Variants in TOR1AIP2 observed in about 807,000 individuals in gnomAD.
TOR1AIP2 encodes torsin-1A-interacting protein 2.
Under a neutral mutation model 32.6 loss-of-function variants are expected in TOR1AIP2, and 20 were observed. The ratio of observed to expected loss-of-function variants is 0.61; its 90% CI spans 0.43 to 0.89. The LOEUF (loss-of-function observed/expected upper bound fraction) is 0.89, where lower values mean the gene tolerates loss of function less well. Among genes scored for constraint, TOR1AIP2 ranks in the 40% least tolerant of loss-of-function variants. The probability of loss-of-function intolerance (pLI) is 0.00; values close to 1 mark genes in which losing one functional copy is unlikely to be tolerated. For missense variants in TOR1AIP2, 456 were observed against 553.8 expected (o/e 0.82, Z 1.77); for synonymous variants, 214 against 210.8 (o/e 1.02, Z -0.13).
intron 3 of TOR1AIP2, among the ~76,000 whole-genome samples, chr1:179,857,978 A>G (rs1229673449): frequency 6.6e-6 from 1 of 152,084 alleles, no homozygotes; most frequent in Non-Finnish European, 1.5e-5. Context: ...ACATAATGAG[A>G]TGATGTCTCT....
Position 179,847,235 on chromosome 1 carries a change from G to A in TOR1AIP2, c.655+300C>T, listed in dbSNP as rs188995904. Among the ~76,000 whole-genome samples, 297 of 152,108 alleles carry A rather than the reference G, an allele frequency of 2.0e-3. 1 individual carries two copies. The highest frequency in any genetic ancestry group is 0.019 in the Admixed American group (292 of 15,274). On this transcript the variant is annotated intron_variant, in intron 6 of 6. Transcript: ENST00000609928. ...TTTTTAGGAGTCATAACTTTAAAGT[G>A]CACTTGAAAAATTAATATTCTCTAA... is the stretch of plus-strand genomic sequence containing the variant.
rs1285430585 is a variant in TOR1AIP2, at chr1:179,850,093, C to CT, written c.553+751_553+752insA. 1.5e-3 allele frequency among the ~76,000 whole-genome samples: 226 copies of CT among 152,294 alleles called. 1 individual carries two copies. Among genetic ancestry groups the CT allele is most frequent in the African/African-American group, 5.3e-3 (222 of 41,544 alleles). ...AGTGCTTATAAAATACAAACCCACA[C>CT]AGACAATCACAGAAGGTGAAAGTTA... On this transcript the variant is annotated intron_variant, in intron 5 of 6. Coordinates refer to ENST00000609928, the MANE Select transcript of TOR1AIP2 (RefSeq NM_001199260.2).
At chr1:179,861,893 TCTGA>T (rs984660601) in intron 3 of TOR1AIP2, 16 of 933,076 alleles carry the variant, frequency 1.7e-5, no homozygotes, top group Non-Finnish European at 2.0e-5. Flanking sequence ...GAGACAGTGG[TCTGA>T]CTATCTTGCC....
chr1:179,853,026 TAA>T (rs1696174318), intron 3 of TOR1AIP2, among the ~76,000 whole-genome samples: 1 of 152,236 alleles, frequency 6.6e-6, no homozygotes, highest in Admixed American at 6.5e-5. Flanking sequence ...TTTCATAATC[TAA>T]TATATTCCAG....
chr1:179,859,237 T>C (rs539481796), intron 3 of TOR1AIP2: 20 of 908,420 alleles, frequency 2.2e-5, no homozygotes, highest in Non-Finnish European at 2.5e-5. Flanking sequence ...CAGGCATCAT[T>C]CACAGCACTT....
In TOR1AIP2 at chr1:179,872,644, T is replaced by G. The variant is rs115676308; in HGVS notation, c.-566+4595A>C. Among the ~76,000 whole-genome samples the G allele has an allele frequency of 9.6e-3, 1,464 of 152,374 alleles. 23 individuals are homozygous for G. Among genetic ancestry groups the G allele is most frequent in the African/African-American group, 0.032 (1,320 of 41,586 alleles). On this transcript the variant is annotated intron_variant, in intron 2 of 6. Transcript: ENST00000609928. ...TGAATGCCTGGCGCAGATCAAATTCTACAGATATTTTCTGAGTGCAGAAAG... is the reference window on the plus strand; with the variant it reads ...TGAATGCCTGGCGCAGATCAAATTCGACAGATATTTTCTGAGTGCAGAAAG...
Position 179,864,627 on chromosome 1 carries a change from A to G in TOR1AIP2, c.-147+809T>C, listed in dbSNP as rs1696692553. 4.9e-6 allele frequency: 7 copies of G among 1,415,390 alleles called. No individual in the cohort carries two copies. The South Asian group carries it at 8.6e-5, about 17-fold the overall frequency. 87.7% of individuals were successfully genotyped at this position (1,415,390 alleles called of 1,614,324 possible). On this transcript the variant is annotated intron_variant, in intron 3 of 6. Transcript: ENST00000609928. ...ATACTAACTAAATTCATGTGAATAA[A>G]ATATGTATAGGCCACGGAAGCAGAT...
intron 3 of TOR1AIP2, 101 bp downstream of exon 3, chr1:179,865,335 C>CGGAG: frequency 2.3e-6 from 2 of 870,774 alleles, no homozygotes; most frequent in Non-Finnish European, 3.5e-6. Context: ...CTTGCACCTC[C>CGGAG]GTGCAATTCT....
rs1260642950 is a variant in TOR1AIP2, at chr1:179,842,408, A to G, written c.*3663T>C. ...AAATATGAAACAAATTAGCATTACT[A>G]TTTTAGTGATATGAACACCTTTAGT... On this transcript the variant is annotated 3_prime_UTR_variant, in exon 7 of 7. Coordinates refer to ENST00000609928, the MANE Select transcript of TOR1AIP2 (RefSeq NM_001199260.2). 1 of 152,214 alleles carries G rather than the reference A, an allele frequency of 6.6e-6. No homozygotes were observed. Among genetic ancestry groups the G allele is most frequent in the Non-Finnish European group, 1.5e-5 (1 of 68,044 alleles). The allele number at this position is 152,214 out of a possible 1,614,324, so 9.4% of individuals were successfully genotyped here.
intron 3 of TOR1AIP2, among the ~76,000 whole-genome samples, chr1:179,858,577 G>C (rs544113024): frequency 6.6e-6 from 1 of 152,212 alleles, no homozygotes; most frequent in East Asian, 1.9e-4. Context: ...AAATAAATCA[G>C]TCTCTGTAAA....
At chr1:179,874,448 A>T (rs1697119311) in intron 2 of TOR1AIP2, 1 of 152,220 alleles carries the variant, frequency 6.6e-6, no homozygotes, top group Non-Finnish European at 1.5e-5. Flanking sequence ...GTTATAAAGT[A>T]CCTTTATACA....
rs1321599228 is a variant in TOR1AIP2, at chr1:179,843,101, A to C, written c.*2970T>G. ...GAACAAATAGAAATTAACCTAATAC[A>C]TTAGATAATAGATTTGAATTATCTG... On this transcript the variant is annotated 3_prime_UTR_variant, in exon 7 of 7. Coordinates refer to ENST00000609928, the MANE Select transcript of TOR1AIP2 (RefSeq NM_001199260.2). The C allele has an allele frequency of 6.6e-6, 1 of 151,950 alleles. No individual in the cohort carries two copies. The highest frequency in any genetic ancestry group is 1.5e-5 in the Non-Finnish European group (1 of 67,990). The allele number at this position is 151,950 out of a possible 1,614,324, so 9.4% of individuals were successfully genotyped here. A position where few individuals can be genotyped will look rare whatever the true frequency, so the allele number is the denominator to read the frequency against.
Position 179,850,999 on chromosome 1 carries a change from C to G in TOR1AIP2, c.399G>C (p.Gly133=). Residue 133 remains glycine (G), a synonymous_variant, in exon 5 of 7, where the codon GGG becomes GGC. Coordinates refer to ENST00000609928, the MANE Select transcript of TOR1AIP2 (RefSeq NM_001199260.2). ...CCTTAGGGAGGGCCACAGAGCTGCT[C>G]CCTAAGTGTGCATCTGCTCTTCCTA... is the stretch of plus-strand genomic sequence containing the variant. ...DKVGRADAHL[G]SSSVALPKEA... 6.2e-7 allele frequency: 1 copy of G among 1,614,188 alleles called. No individual in the cohort carries two copies.
chr1:179,858,549 C>A (rs771655853), intron 3 of TOR1AIP2, among the ~76,000 whole-genome samples: 29 of 152,204 alleles, frequency 1.9e-4, no homozygotes, highest in Non-Finnish European at 3.7e-4. Context: ...TAGTTACTGC[C>A]TTTTTAAATG....
intron 3 of TOR1AIP2, chr1:179,864,925 T>A: frequency 6.2e-7 from 1 of 1,614,050 alleles, no homozygotes; most frequent in South Asian, 1.1e-5. Flanking sequence ...GATGGCAAGC[T>A]TTCTCAAAGG....
At position 179,877,776 on chromosome 1, in the gene TOR1AIP2, T is replaced by TGCACCCAGCGGCC. The variant is rs1647453422; in HGVS notation, c.-797_-785dup. On this transcript the variant is annotated 5_prime_UTR_variant, in exon 1 of 7. Coordinates refer to ENST00000609928, the MANE Select transcript of TOR1AIP2 (RefSeq NM_001199260.2). Reference sequence around the variant, plus strand: ...TTCTCTCCGCTCCACACCGCTCGGCTGCACCCAGCGGCCGCCGCGGCCCGA... The same window carrying TGCACCCAGCGGCC: ...TTCTCTCCGCTCCACACCGCTCGGCTGCACCCAGCGGCCGCACCCAGCGGCCGCCGCGGCCCGA... 6.6e-6 allele frequency: 1 copy of TGCACCCAGCGGCC among 152,260 alleles called. No homozygotes were observed. Among genetic ancestry groups the TGCACCCAGCGGCC allele is most frequent in the African/African-American group, 2.4e-5 (1 of 41,464 alleles). 9.4% of individuals were successfully genotyped at this position (152,260 alleles called of 1,614,324 possible). A position where few individuals can be genotyped will look rare whatever the true frequency, so the allele number is the denominator to read the frequency against.
rs1335563267 is a variant in TOR1AIP2, at chr1:179,850,922, TG to T, written c.475del (p.Gln159ArgfsTer19). 1 of 1,614,206 alleles carries T rather than the reference TG, an allele frequency of 6.2e-7. No individual in the cohort carries two copies. The highest frequency in any genetic ancestry group is 1.1e-5 in the South Asian group (1 of 91,086). ...GGAATGACCAGGACTCTGGGCCTCC[TG>T]GGAGTCTGTAGTAGGTGGTTCCTGA... is the stretch of plus-strand genomic sequence containing the variant. ...ASQEPPTTDS[Q>X]EAQSPGHSSA... On this transcript the variant is annotated frameshift_variant, in exon 5 of 7. Transcript: ENST00000609928. LOFTEE classifies it high-confidence loss of function.
chr1:179,861,391 A>C, intron 3 of TOR1AIP2: 1 of 985,432 alleles, frequency 1.0e-6, no homozygotes, highest in Non-Finnish European at 1.2e-6. Context: ...AGGCTTCCTC[A>C]ATTTTCTCCT....
chr1:179,872,593 T>C (rs1366417037), intron 2 of TOR1AIP2, among the ~76,000 whole-genome samples: 1 of 152,202 alleles, frequency 6.6e-6, no homozygotes, highest in African/African-American at 2.4e-5. Context: ...TCTACTTCCT[T>C]AGGGAATTGT....
Sources: allele counts gnomAD v4.1 joint callset (sites outside exome capture counted in the v4.1 genomes callset), GRCh38; gene constraint gnomAD v4.1.1; transcripts MANE v1.5; gene names NCBI Gene and HGNC (gene_info 2026-07-23, HGNC 2026-07-21).